The following FILIP1 variants were observed in gnomAD, a reference collection of about 807,000 sequenced individuals.
FILIP1 encodes the protein filamin-A-interacting protein 1.
A neutral mutation model predicts 102.1 loss-of-function variants in FILIP1; 61 were observed. The observed-to-expected ratio is 0.60, with a 90% CI of 0.49 to 0.74. The LOEUF (loss-of-function observed/expected upper bound fraction) is 0.74. Ranked by LOEUF, FILIP1 falls within the 30% of genes least tolerant of loss-of-function variation. The probability of loss-of-function intolerance (pLI) is 0.00; values close to 1 mark genes in which losing one functional copy is unlikely to be tolerated. For synonymous variants in FILIP1, 491 were observed against 526.9 expected (o/e 0.93, Z 0.93); for missense variants, 1,314 against 1,441.2 (o/e 0.91, Z 1.43).
chr6:75,431,719 G>A (rs1464053758), intron 1 of FILIP1, among the ~76,000 whole-genome samples: 1 of 152,178 alleles, frequency 6.6e-6, no homozygotes, highest in Non-Finnish European at 1.5e-5. Context: ...AGGCAGAGAA[G>A]GAGCCTGCAG....
intron 1 of FILIP1, among the ~76,000 whole-genome samples, chr6:75,438,500 G>C (rs770726078): frequency 1.3e-5 from 2 of 152,166 alleles, no homozygotes; most frequent in Admixed American, 1.3e-4. Context: ...TAACTGCCAT[G>C]TCTTTAATCC....
intron 2 of FILIP1, among the ~76,000 whole-genome samples, chr6:75,413,871 C>T (rs1777162496): frequency 6.7e-6 from 1 of 150,342 alleles, no homozygotes; most frequent in Admixed American, 6.7e-5. Flanking sequence ...CACTTCCTGC[C>T]TGCCTCCTGG....
intron 2 of FILIP1, among the ~76,000 whole-genome samples, chr6:75,375,816 CAT>C (rs1222284232): frequency 6.6e-6 from 1 of 152,192 alleles, no homozygotes; most frequent in Non-Finnish European, 1.5e-5. Flanking sequence ...TAGCCTCTGA[CAT>C]AAGTGAATTC....
At chr6:75,392,843 C>T (rs574792198) in intron 2 of FILIP1, among the ~76,000 whole-genome samples, 158 of 152,310 alleles carry the variant, frequency 1.0e-3, no homozygotes, top group African/African-American at 3.6e-3. Flanking sequence ...ACGAGATTCT[C>T]TGCACAAGCT....
In FILIP1 at chr6:75,415,401, A is replaced by C. The variant is rs193085340; in HGVS notation, c.-6-423T>G. On this transcript the variant is annotated intron_variant, in intron 1 of 5. Transcript: ENST00000237172. ...CTGTTCTGAAATAAAATAAAAATCAATAAAAACTGTTCTAAAATAAAATAA... is the reference window on the plus strand; with the variant it reads ...CTGTTCTGAAATAAAATAAAAATCACTAAAAACTGTTCTAAAATAAAATAA... Among the ~76,000 whole-genome samples, 870 of 152,092 alleles carry C rather than the reference A, an allele frequency of 5.7e-3. 5 individuals are homozygous for C. The highest frequency in any genetic ancestry group is 0.056 in the South Asian group (272 of 4,820).
At position 75,313,824 on chromosome 6, in the gene FILIP1, C is replaced by T. The variant is rs752450803; in HGVS notation, c.2008G>A (p.Glu670Lys). Residue 670 changes from glutamate (E) to lysine (K), a missense_variant, in exon 5 of 6, where the codon GAG (glutamate) becomes AAG (lysine). Physicochemically the swap from Glu to Lys is moderately conservative, Grantham distance 56. Coordinates refer to ENST00000237172, the MANE Select transcript of FILIP1 (RefSeq NM_015687.5). This position sits in a 1 kb window ranked among gnomAD's most constrained non-coding sequence, Gnocchi z 4.2. Reference sequence around the variant, plus strand: ...GAGAGGAAGTTAGCCTTATCCTGCTCAGTTCTAAATTTCTGTTCCAGCTGA... The same window carrying T: ...GAGAGGAAGTTAGCCTTATCCTGCTTAGTTCTAAATTTCTGTTCCAGCTGA... The part of the protein sequence containing the change: ...YDQLEQKFRT[E>K]QDKANFLSQQ... 2 of 1,613,686 alleles carry T rather than the reference C, an allele frequency of 1.2e-6. No homozygotes were observed. The highest frequency in any genetic ancestry group is 1.7e-6 in the Non-Finnish European group (2 of 1,179,924).
intron 4 of FILIP1, among the ~76,000 whole-genome samples, chr6:75,350,420 T>A (rs938168472): frequency 1.7e-5 from 2 of 119,562 alleles, no homozygotes; most frequent in Non-Finnish European, 3.6e-5. Context: ...TTTTTTTTTT[T>A]ACTTTTAAAA....
chr6:75,312,691 T>C lies in FILIP1; in HGVS notation c.3141A>G (p.Pro1047=). 6.2e-7 allele frequency: 1 copy of C among 1,614,226 alleles called. No homozygotes were observed. The highest frequency in any genetic ancestry group is 8.5e-7 in the Non-Finnish European group (1 of 1,180,038). The change falls in exon 5 of 6, where the codon CCA becomes CCG. Residue 1047 remains proline, a synonymous_variant. Coordinates refer to ENST00000237172, the MANE Select transcript of FILIP1 (RefSeq NM_015687.5). The stretch of plus-strand genomic sequence containing the variant: ...TGGAGTTGTATTTCCGTACTGGAGT[T>C]GGAACAGTCTGTTTTTCTGGGGTGA... ...LKVTPEKQTV[P]TPVRKYNSNA...
intron 1 of FILIP1, among the ~76,000 whole-genome samples, chr6:75,460,751 T>A (rs1778997906): frequency 6.6e-6 from 1 of 152,220 alleles, no homozygotes; most frequent in African/African-American, 2.4e-5. Flanking sequence ...TCTCAGAAGA[T>A]AACCAAGACA....
At chr6:75,326,095 T>TAGATAGATAGATTAGA (rs1554200298) in intron 4 of FILIP1, among the ~76,000 whole-genome samples, 263 of 144,938 alleles carry the variant, frequency 1.8e-3, no homozygotes, top group African/African-American at 5.8e-3. Flanking sequence ...GATAGATAGA[T>TAGATAGATAGATTAGA]TAGATAGATA....
chr6:75,438,124 T>C (rs556018566), intron 1 of FILIP1, among the ~76,000 whole-genome samples: 11 of 152,346 alleles, frequency 7.2e-5, no homozygotes, highest in African/African-American at 2.4e-4. Flanking sequence ...GCTATGCTTA[T>C]TCCAGCTGCG....
chr6:75,295,958 G>A, intron 6 of FILIP1: 1 of 1,436,728 alleles, frequency 7.0e-7, no homozygotes, highest in Non-Finnish European at 9.1e-7. Flanking sequence ...TTTCTATAAA[G>A]AGAAAAAAGA....
intron 4 of FILIP1, among the ~76,000 whole-genome samples, chr6:75,320,286 G>T (rs2149561700): frequency 6.6e-6 from 1 of 152,322 alleles, no homozygotes; most frequent in Admixed American, 6.5e-5. Context: ...GCTGGGAGCG[G>T]TGGCTCAAGC....
At chr6:75,343,613 C>T (rs971629321) in intron 4 of FILIP1, among the ~76,000 whole-genome samples, 3 of 152,150 alleles carry the variant, frequency 2.0e-5, no homozygotes, top group African/African-American at 7.2e-5. Flanking sequence ...CTTTCTAATG[C>T]TATACCTGGA....
chr6:75,411,122 G>A lies in FILIP1; in HGVS notation c.276+3575C>T, dbSNP rs150576292. On this transcript the variant is annotated intron_variant, in intron 2 of 5. Transcript: ENST00000237172. Reference sequence around the variant, plus strand: ...TTTAATGATCACCATTCTAACTAGCGTGAGATGGTATCTCACTGTGGTTTC... The same window carrying A: ...TTTAATGATCACCATTCTAACTAGCATGAGATGGTATCTCACTGTGGTTTC... Among the ~76,000 whole-genome samples, 1,388 of 152,290 alleles carry A rather than the reference G, an allele frequency of 9.1e-3. 13 individuals are homozygous for A. Among genetic ancestry groups the A allele is most frequent in the African/African-American group, 0.031 (1,291 of 41,558 alleles).
intron 2 of FILIP1, chr6:75,384,760 C>G (rs1336105496): frequency 6.7e-6 from 1 of 149,318 alleles, no homozygotes; most frequent in Non-Finnish European, 1.5e-5. Flanking sequence ...TTTATAGAAT[C>G]AGAATAATTT....
chr6:75,416,235 T>C (rs1582471995), intron 1 of FILIP1, among the ~76,000 whole-genome samples: 1 of 152,176 alleles, frequency 6.6e-6, no homozygotes, highest in Non-Finnish European at 1.5e-5. Context: ...GTGTGATGTT[T>C]CCTTTCAGAT....
At chr6:75,435,696 A>G (rs933326565) in intron 1 of FILIP1, among the ~76,000 whole-genome samples, 1 of 152,192 alleles carries the variant, frequency 6.6e-6, no homozygotes, top group African/African-American at 2.4e-5. Flanking sequence ...ACAGCTACCA[A>G]GAGACACTCT....
chr6:75,355,666 G>T (rs1774969654), intron 3 of FILIP1, among the ~76,000 whole-genome samples: 1 of 152,152 alleles, frequency 6.6e-6, no homozygotes, highest in Non-Finnish European at 1.5e-5. Context: ...GCCTCCCAAA[G>T]TGCTGGGATT....
Sources: allele counts gnomAD v4.1 joint callset (sites outside exome capture counted in the v4.1 genomes callset), GRCh38; gene constraint gnomAD v4.1.1; non-coding constraint Gnocchi (gnomAD v3.1); transcripts MANE v1.5; gene names NCBI Gene and HGNC (gene_info 2026-07-23, HGNC 2026-07-21).